The following EPHA6 variants were observed in gnomAD, a reference collection of about 807,000 sequenced individuals.
EPHA6 encodes the protein EPH receptor A6.
In EPHA6, 50 loss-of-function variants were observed where a neutral mutation model predicts 112.0. The observed-to-expected ratio is 0.45, with a 90% CI of 0.36 to 0.56. The LOEUF (loss-of-function observed/expected upper bound fraction) is 0.56. EPHA6 is among the 20% of genes least tolerant of loss of function. The pLI, the probability that EPHA6 is intolerant of heterozygous loss-of-function variation, is 0.00. For synonymous variants in EPHA6, 529 were observed against 490.7 expected (o/e 1.08, Z -1.03); for missense variants, 1,280 against 1,417.4 (o/e 0.90, Z 1.56).
At position 97,475,408 on chromosome 3, in the gene EPHA6, G is replaced by A; in HGVS notation, c.1951G>A (p.Gly651Ser). ...QILVIATAAV[G>S]GFTLLVILTL... is the part of the protein sequence containing the mutation. Reference sequence around the variant, plus strand: ...TCTCGTGATAGCCACCGCCGCTGTTGGCGGATTCACTCTCCTCGTCATCCT... The same window carrying A: ...TCTCGTGATAGCCACCGCCGCTGTTAGCGGATTCACTCTCCTCGTCATCCT... Residue 651 changes from glycine to serine, a missense_variant, in exon 8 of 18, where the codon GGC becomes AGC. Gly to Ser is a moderately conservative substitution (Grantham distance 56). Coordinates refer to ENST00000389672, the MANE Select transcript of EPHA6 (RefSeq NM_001080448.3). 1 of 1,612,044 alleles carries A rather than the reference G, an allele frequency of 6.2e-7. No individual in the cohort carries two copies.
intron 5 of EPHA6, among the ~76,000 whole-genome samples, chr3:97,342,998 G>T (rs1224799865): frequency 1.3e-5 from 2 of 152,196 alleles, no homozygotes; most frequent in Non-Finnish European, 2.9e-5. Flanking sequence ...TTGGAATTGG[G>T]TAATGGGTAT....
chr3:96,879,108 T>C (rs2037149567), intron 2 of EPHA6, among the ~76,000 whole-genome samples: 1 of 152,084 alleles, frequency 6.6e-6, no homozygotes, highest in Non-Finnish European at 1.5e-5. Flanking sequence ...GGATTATGTT[T>C]TCATTATTTC....
At chr3:97,595,975 G>T (rs951390923) in intron 12 of EPHA6, among the ~76,000 whole-genome samples, 1 of 144,214 alleles carries the variant, frequency 6.9e-6, no homozygotes, top group African/African-American at 2.6e-5. Context: ...GCACGATCTC[G>T]GCTCACTGCA....
In EPHA6 at chr3:96,874,136, T is replaced by A. The variant is rs138162283; in HGVS notation, c.450+7247T>A. On this transcript the variant is annotated intron_variant, in intron 2 of 17. Transcript: ENST00000389672. Reference sequence around the variant, plus strand: ...TGCAGTGAAGGGTGAAAGGACTCTCTTAAGGCTGACCAAGAGCAGACTTAA... The same window carrying A: ...TGCAGTGAAGGGTGAAAGGACTCTCATAAGGCTGACCAAGAGCAGACTTAA... Among the ~76,000 whole-genome samples the A allele has an allele frequency of 3.9e-3, 594 of 152,214 alleles. 6 individuals are homozygous for A. Among genetic ancestry groups the A allele is most frequent in the African/African-American group, 0.013 (550 of 41,546 alleles).
chr3:97,650,330 G>A lies in EPHA6; in HGVS notation c.2784+12248G>A, dbSNP rs569610480. Among the ~76,000 whole-genome samples the A allele has an allele frequency of 1.1e-4, 16 of 152,178 alleles. No individual in the cohort carries two copies. In the South Asian group the frequency reaches 2.5e-3, roughly 24 times the overall value. On this transcript the variant is annotated intron_variant, in intron 14 of 17. Coordinates refer to ENST00000389672, the MANE Select transcript of EPHA6 (RefSeq NM_001080448.3). ...ATACTGCTTAGGTGAACTGACAATG[G>A]CAGATGTTAAGCATATGATGGAAAG...
chr3:96,879,194 A>G (rs2037155834), intron 2 of EPHA6, among the ~76,000 whole-genome samples: 1 of 152,122 alleles, frequency 6.6e-6, no homozygotes, highest in African/African-American at 2.4e-5. Flanking sequence ...ATTTCACTAA[A>G]GATCCATTTC....
At chr3:97,349,070 T>C (rs2108886490) in intron 5 of EPHA6, among the ~76,000 whole-genome samples, 1 of 152,222 alleles carries the variant, frequency 6.6e-6, no homozygotes, top group African/African-American at 2.4e-5. Context: ...ATTAAGTACT[T>C]ATCTGAATAT....
intron 14 of EPHA6, among the ~76,000 whole-genome samples, chr3:97,713,496 A>G (rs2034072432): frequency 6.6e-6 from 1 of 152,242 alleles, no homozygotes; most frequent in Admixed American, 6.5e-5. Context: ...AGTGCTTATC[A>G]GCTTATAAAA....
At chr3:97,045,453 A>G (rs2045472804) in intron 3 of EPHA6, among the ~76,000 whole-genome samples, 1 of 151,908 alleles carries the variant, frequency 6.6e-6, no homozygotes, top group African/African-American at 2.4e-5. Context: ...AAGCGTACAA[A>G]TCTCTAAACT....
intron 12 of EPHA6, among the ~76,000 whole-genome samples, chr3:97,599,628 C>A (rs2093626210): frequency 1.3e-5 from 2 of 151,562 alleles, no homozygotes; most frequent in African/African-American, 4.9e-5. Context: ...TGATCTATAT[C>A]TCTGTTTTGG....
intron 3 of EPHA6, among the ~76,000 whole-genome samples, chr3:97,081,078 A>C (rs983960455): frequency 1.3e-5 from 2 of 149,702 alleles, no homozygotes; most frequent in African/African-American, 2.5e-5. Context: ...ACATAATGCC[A>C]TATTCATATA....
At chr3:97,127,700 G>A (rs1364441857) in intron 3 of EPHA6, among the ~76,000 whole-genome samples, 1 of 147,926 alleles carries the variant, frequency 6.8e-6, no homozygotes, top group Admixed American at 6.7e-5. Context: ...GGGCGACAGA[G>A]CCAGACCCTG....
chr3:97,448,501 G>A, intron 6 of EPHA6, 67 bp from the exon 7 acceptor site: 3 of 1,522,168 alleles, frequency 2.0e-6, no homozygotes, highest in Non-Finnish European at 2.7e-6. Flanking sequence ...TTAAACTTTG[G>A]AATGTTTCTA....
At chr3:97,148,194 G>A (rs1274163213) in intron 3 of EPHA6, among the ~76,000 whole-genome samples, 1 of 152,052 alleles carries the variant, frequency 6.6e-6, no homozygotes, top group African/African-American at 2.4e-5. Context: ...TCTTAGGTTG[G>A]TCACATGGCT....
chr3:97,515,888 T>C (rs1422728309), intron 10 of EPHA6, among the ~76,000 whole-genome samples: 1 of 152,058 alleles, frequency 6.6e-6, no homozygotes, highest in Non-Finnish European at 1.5e-5. Flanking sequence ...AAATGATGTT[T>C]TTTTCTTAAC....
intron 7 of EPHA6, among the ~76,000 whole-genome samples, chr3:97,467,042 T>G (rs935781238): frequency 6.6e-6 from 1 of 151,832 alleles, no homozygotes; most frequent in African/African-American, 2.4e-5. Context: ...TCCTGTGACC[T>G]TCACACATAC....
At chr3:97,465,605 C>T (rs2107411669) in intron 7 of EPHA6, among the ~76,000 whole-genome samples, 1 of 152,078 alleles carries the variant, frequency 6.6e-6, no homozygotes, top group African/African-American at 2.4e-5. Context: ...AACAATGATC[C>T]AAAAGCTTCC....
intron 1 of EPHA6, among the ~76,000 whole-genome samples, chr3:96,859,383 AT>A (rs58615285): frequency 3.1e-3 from 440 of 140,844 alleles, no homozygotes; most frequent in East Asian, 5.6e-3. Flanking sequence ...ATAATGGTTA[AT>A]TTTTTTTTTT....
chr3:97,744,242 C>T (rs776263109), intron 16 of EPHA6, among the ~76,000 whole-genome samples: 2 of 151,850 alleles, frequency 1.3e-5, no homozygotes, highest in Non-Finnish European at 2.9e-5. Flanking sequence ...GCAGGTTTTG[C>T]TGTAAAGATA....
Sources: allele counts gnomAD v4.1 joint callset (sites outside exome capture counted in the v4.1 genomes callset), GRCh38; gene constraint gnomAD v4.1.1; transcripts MANE v1.5; gene names NCBI Gene and HGNC (gene_info 2026-07-23, HGNC 2026-07-21).